ALG3: variants seen among roughly 807,000 people sequenced by gnomAD.
ALG3 encodes dol-P-Man:Man(5)GlcNAc(2)-PP-Dol alpha-1,3-mannosyltransferase.
Under a neutral mutation model 50.5 loss-of-function variants are expected in ALG3, and 39 were observed. That is an observed-to-expected ratio of 0.77 (90% CI 0.60 to 1.01). The LOEUF (loss-of-function observed/expected upper bound fraction) is 1.01, where lower values mean the gene tolerates loss of function less well. Ranked by LOEUF, ALG3 falls within the 50% of genes least tolerant of loss-of-function variation. ALG3 has a pLI of 0.00. For missense variants in ALG3, 520 were observed against 554.8 expected (o/e 0.94, Z 0.63); for synonymous variants, 252 against 237.2 (o/e 1.06, Z -0.58).
chr3:184,245,604 C>A lies in ALG3; in HGVS notation c.308G>T (p.Gly103Val), dbSNP rs1340893212. ...GDTGPLVYPA[G>V]FVYIFMGLYY... is the part of the protein sequence containing the mutation. ...CAACCCCATAAAGATGTACACGAAACCAGCTGGGTACCTGGAAGATGAGAG... is the reference window on the plus strand; with the variant it reads ...CAACCCCATAAAGATGTACACGAAAACAGCTGGGTACCTGGAAGATGAGAG... Residue 103 changes from glycine (G) to valine (V), a missense_variant, in exon 3 of 9, where the codon GGT (glycine) becomes GTT (valine). This residue lies in a region of ALG3 where 290 missense variants were observed against 265.9 expected (regional missense o/e 1.09). Transcript: ENST00000397676. The A allele has an allele frequency of 6.2e-7, 1 of 1,613,162 alleles. No individual in the cohort carries two copies. Among genetic ancestry groups the A allele is most frequent in the South Asian group, 1.1e-5 (1 of 90,902 alleles).
intron 1 of ALG3, among the ~76,000 whole-genome samples, chr3:184,247,426 T>A (rs1052741938): frequency 2.0e-5 from 3 of 151,792 alleles, no homozygotes; most frequent in African/African-American, 7.3e-5. Context: ...ACCTCCCGAG[T>A]AGCTGGGATT....
rs1171334770 is a variant in ALG3 at position 184,245,253 on chromosome 3, G to A, written c.550C>T (p.Leu184Phe). The change falls in exon 4 of 9, where the codon CTC (leucine) becomes TTC (phenylalanine). Residue 184 changes from leucine (L) to phenylalanine (F), a missense_variant. Physicochemically the swap from Leu to Phe is conservative, Grantham distance 22. This residue lies in a region of ALG3 where 290 missense variants were observed against 265.9 expected (regional missense o/e 1.09). Coordinates refer to ENST00000397676, the MANE Select transcript of ALG3 (RefSeq NM_005787.6). ...TGGGCCAGCAGGAGGTTGATACTGA[G>A]GAAGAGCAGCACCATGGCCACTGGG... ...NDPVAMVLLF[L>F]SINLLLAQRW... 2 of 1,613,910 alleles carry A rather than the reference G, an allele frequency of 1.2e-6. No individual in the cohort carries two copies. The highest frequency in any genetic ancestry group is 1.1e-5 in the South Asian group (1 of 91,058).
At chr3:184,247,733 T>A (rs1296119755) in intron 1 of ALG3, among the ~76,000 whole-genome samples, 1 of 152,212 alleles carries the variant, frequency 6.6e-6, no homozygotes, top group Non-Finnish European at 1.5e-5. Flanking sequence ...TCCAACCTGG[T>A]TTAAGTGACT....
At position 184,245,449 on chromosome 3, in the gene ALG3, C is replaced by T; in HGVS notation, c.444+19G>A. ...CCCTCCCAGGCTGGGGCCCTCTAGC[C>T]CTGGTAGCATGGACTCACCTTGCAG... On this transcript the variant is annotated intron_variant, in intron 3 of 8. Transcript: ENST00000397676. 1.9e-6 allele frequency: 3 copies of T among 1,613,652 alleles called. No individual in the cohort carries two copies. Among genetic ancestry groups the T allele is most frequent in the Non-Finnish European group, 2.5e-6 (3 of 1,179,610 alleles).
chr3:184,249,177 C>A (rs373700854), upstream of ALG3: 8 of 1,597,068 alleles, frequency 5.0e-6, no homozygotes, highest in East Asian at 4.5e-5. Flanking sequence ...CCTGGGTACA[C>A]AGGCGCTAAT....
Position 184,245,275 on chromosome 3 carries a change from T to G in ALG3, c.528A>C (p.Pro176=), listed in dbSNP as rs762876819. The change falls in exon 4 of 9, where the codon CCA becomes CCC. Residue 176 remains proline (P), a synonymous_variant. Transcript: ENST00000397676. ...SIFVLRLFND[P]VAMVLLFLSI... ...TGAGGAAGAGCAGCACCATGGCCAC[T>G]GGGTCATTGAAGAGCCGCAGCACAA... 2.4e-5 allele frequency: 39 copies of G among 1,613,528 alleles called. No homozygotes were observed. The highest frequency in any genetic ancestry group is 1.7e-5 in the Admixed American group (1 of 59,960).
intron 7 of ALG3, 111 bp from the exon 8 acceptor site, chr3:184,243,068 T>G (rs1360376834): frequency 2.8e-6 from 4 of 1,448,554 alleles, no homozygotes; most frequent in Admixed American, 4.0e-5. Context: ...CATTCCTTGA[T>G]GCATGCCTTT....
chr3:184,244,731 G>A lies in ALG3; in HGVS notation c.606-10C>T, dbSNP rs372141050. The A allele has an allele frequency of 6.2e-5, 99 of 1,606,904 alleles. No individual in the cohort carries two copies. The highest frequency in any genetic ancestry group is 8.2e-5 in the Non-Finnish European group (97 of 1,177,252). ...CACAGAGACTGCCAGGCTGGGGTGA[G>A]CAGGGGAGAGGAAGGGTGGAGATCA... On this transcript the variant is annotated splice_polypyrimidine_tract_variant and intron_variant, in intron 4 of 8. Transcript: ENST00000397676.
Position 184,245,743 on chromosome 3 carries a change from G to C in ALG3, c.266C>G (p.Thr89Ser), listed in dbSNP as rs1382691939. Residue 89 changes from threonine (T) to serine (S), a missense_variant, in exon 2 of 9, where the codon ACC becomes AGC. Coordinates refer to ENST00000397676, the MANE Select transcript of ALG3 (RefSeq NM_005787.6). ...EGVINGTYDY[T>S]QLQGDTGPLV... ...TGGTCCGGTGTCACCCTGCAGTTGG[G>C]TATAGTCATAGGTACCATTGATGAC... is the stretch of plus-strand genomic sequence containing the variant. The C allele has an allele frequency of 6.2e-7, 1 of 1,613,656 alleles. No individual in the cohort carries two copies. Among genetic ancestry groups the C allele is most frequent in the East Asian group, 2.2e-5 (1 of 44,880 alleles).
Position 184,245,759 on chromosome 3 carries a change from C to A in ALG3, c.250G>T (p.Gly84Cys). The A allele has an allele frequency of 6.2e-7, 1 of 1,613,912 alleles. No homozygotes were observed. The highest frequency in any genetic ancestry group is 1.1e-5 in the South Asian group (1 of 91,046). The change falls in exon 2 of 9, where the codon GGT becomes TGT. Residue 84 changes from glycine (G) to cysteine (C), a missense_variant. Around this residue, in one of 3 missense-constraint regions of ALG3, gnomAD observed 290 missense variants for 265.9 expected, o/e 1.09. Coordinates refer to ENST00000397676, the MANE Select transcript of ALG3 (RefSeq NM_005787.6). ...YMAEVEGVIN[G>C]TYDYTQLQGD... ...TGCAGTTGGGTATAGTCATAGGTAC[C>A]ATTGATGACGCCTTCTACCTCGGCC...
chr3:184,243,805 G>A lies in ALG3; in HGVS notation c.918C>T (p.Leu306=), dbSNP rs779788835. 4.3e-6 allele frequency: 7 copies of A among 1,613,844 alleles called. No homozygotes were observed. The highest frequency in any genetic ancestry group is 5.9e-6 in the Non-Finnish European group (7 of 1,179,826). Residue 306 remains leucine, a synonymous_variant, in exon 6 of 9, where the codon CTC becomes CTT. Coordinates refer to ENST00000397676, the MANE Select transcript of ALG3 (RefSeq NM_005787.6). ...AHLTLLLLFA[L]CRWHRTGESI... is the part of the protein sequence containing the mutation. ...CCTTTTCTCACCTGTGCCACCTGCA[G>A]AGGGCAAACAGCAGGAGCAGGGTGA...
In ALG3 at chr3:184,248,785, C is replaced by T. The variant is rs747159777; in HGVS notation, c.156G>A (p.Ala52=). Residue 52 remains alanine, a synonymous_variant, in exon 1 of 9, where the codon GCG becomes GCA. Coordinates refer to ENST00000397676, the MANE Select transcript of ALG3 (RefSeq NM_005787.6). Reference sequence around the variant, plus strand: ...TGACCCAGAAGGTGATGCCCACCTCCGCCAGGCAGAGGCAGGCGGCCACCA... The same window carrying T: ...TGACCCAGAAGGTGATGCCCACCTCTGCCAGGCAGAGGCAGGCGGCCACCA... ...TLLVAACLCL[A]EVGITFWVIH... 1.9e-6 allele frequency: 3 copies of T among 1,601,422 alleles called. No homozygotes were observed. The highest frequency in any genetic ancestry group is 2.6e-6 in the Non-Finnish European group (3 of 1,172,124).
chr3:184,248,144 G>A (rs7621553), intron 1 of ALG3, among the ~76,000 whole-genome samples: 1 of 151,536 alleles, frequency 6.6e-6, no homozygotes, highest in Non-Finnish European at 1.5e-5. Context: ...GTGAGCCACC[G>A]CGCCCGGCAG....
Position 184,243,566 on chromosome 3 carries a change from G to C in ALG3, c.997C>G (p.Leu333Val). The C allele has an allele frequency of 3.7e-6, 6 of 1,613,912 alleles. No homozygotes were observed. Among genetic ancestry groups the C allele is most frequent in the Non-Finnish European group, 5.1e-6 (6 of 1,179,864 alleles). ...ATTTAAAGGATATGGTTGGGTGTAA[G>C]GGGCTGGGGTGGAACCTTCCTTTTG... is the stretch of plus-strand genomic sequence containing the variant. ...PSKRKVPPQP[L>V]TPNQIVSTLF... The change falls in exon 7 of 9, where the codon CTT (leucine) becomes GTT (valine). Residue 333 changes from leucine to valine, a missense_variant. This residue lies in a region of ALG3 where 224 missense variants were observed against 272.8 expected (regional missense o/e 0.82). Coordinates refer to ENST00000397676, the MANE Select transcript of ALG3 (RefSeq NM_005787.6).
intron 1 of ALG3, among the ~76,000 whole-genome samples, chr3:184,246,931 G>T (rs1235303307): frequency 1.3e-5 from 2 of 151,926 alleles, no homozygotes; most frequent in Admixed American, 6.6e-5. Context: ...TTGAGACAGG[G>T]TCTCGCTCAG....
At chr3:184,243,499 A>T (rs1718946988) in intron 7 of ALG3, 55 bp downstream of exon 7, 2 of 1,561,436 alleles carry the variant, frequency 1.3e-6, no homozygotes, top group African/African-American at 1.4e-5. Flanking sequence ...CCTGACCAGG[A>T]CTCTGTCAGC....
In ALG3 at chr3:184,242,528, T is replaced by G; in HGVS notation, c.1303A>C (p.Lys435Gln). The part of the protein sequence containing the change: ...QPFPKSTQHS[K>Q]KAH ...AGGGGTGGACTTCAGTGGGCTTTCT[T>G]GCTGTGTTGGGTGCTCTTGGGGAAA... Residue 435 changes from lysine to glutamine, a missense_variant, in exon 9 of 9, where the codon AAG (lysine) becomes CAG (glutamine). Coordinates refer to ENST00000397676, the MANE Select transcript of ALG3 (RefSeq NM_005787.6). 6.2e-7 allele frequency: 1 copy of G among 1,612,722 alleles called. No homozygotes were observed. The highest frequency in any genetic ancestry group is 2.2e-5 in the East Asian group (1 of 44,828).
chr3:184,247,158 G>T (rs1248663294), intron 1 of ALG3, among the ~76,000 whole-genome samples: 1 of 151,450 alleles, frequency 6.6e-6, no homozygotes, highest in Non-Finnish European at 1.5e-5. Flanking sequence ...CCCGCCTCGG[G>T]CTCCCAAAGT....
upstream of ALG3, chr3:184,249,404 C>A: frequency 1.8e-6 from 2 of 1,116,946 alleles, no homozygotes; most frequent in South Asian, 1.5e-5. Flanking sequence ...TGATAAAAGT[C>A]ATTCATATTG....
Sources: gnomAD v4.1 joint callset for allele counts (sites outside exome capture counted in the v4.1 genomes callset) on GRCh38, gnomAD v4.1.1 for gene constraint, gnomAD v4.1.1 regional missense constraint, MANE v1.5 for transcripts, NCBI Gene and HGNC (gene_info 2026-07-23, HGNC 2026-07-21) for gene names.